The following UVRAG variants were observed in gnomAD, a reference collection of about 807,000 sequenced individuals.
UVRAG encodes UV radiation resistance associated.
A neutral mutation model predicts 78.0 loss-of-function variants in UVRAG; 19 were observed. The observed-to-expected ratio is 0.24, with a 90% confidence interval of 0.17 to 0.36. The LOEUF (loss-of-function observed/expected upper bound fraction) is 0.36, where lower values mean the gene tolerates loss of function less well. Ranked by LOEUF, UVRAG falls within the 10% of genes least tolerant of loss-of-function variation. UVRAG has a pLI of 1.00. For synonymous variants in UVRAG, 323 were observed against 324.6 expected (o/e 1.00, Z 0.05); for missense variants, 740 against 853.8 (o/e 0.87, Z 1.66).
At chr11:76,045,081 CCT>C (rs1950723192) in intron 12 of UVRAG, among the ~76,000 whole-genome samples, 1 of 152,146 alleles carries the variant, frequency 6.6e-6, no homozygotes, top group Non-Finnish European at 1.5e-5. Context: ...ACCCTGACAA[CCT>C]CTCTCAGGCA....
At chr11:76,093,002 TA>T (rs1160244217) in intron 13 of UVRAG, among the ~76,000 whole-genome samples, 3 of 152,232 alleles carry the variant, frequency 2.0e-5, no homozygotes, top group Non-Finnish European at 2.9e-5. Context: ...CATCTTGAAT[TA>T]ATTTTTGTAT....
At chr11:75,886,943 T>G (rs1947090873) in intron 4 of UVRAG, among the ~76,000 whole-genome samples, 1 of 152,064 alleles carries the variant, frequency 6.6e-6, no homozygotes, top group Non-Finnish European at 1.5e-5. Context: ...ACTTCGAGTT[T>G]TTTTTTTAAT....
At chr11:76,030,021 A>G (rs757386920) in intron 12 of UVRAG, among the ~76,000 whole-genome samples, 1 of 152,188 alleles carries the variant, frequency 6.6e-6, no homozygotes, top group Non-Finnish European at 1.5e-5. Flanking sequence ...TAGCAATAAT[A>G]TGTTTTTAAA....
At chr11:75,920,008 G>GTTTTTTGTTTTTTTTTT (rs1947941022) in intron 6 of UVRAG, among the ~76,000 whole-genome samples, 8 of 55,464 alleles carry the variant, frequency 1.4e-4, no homozygotes, top group African/African-American at 4.7e-4. Flanking sequence ...AATAATTTTG[G>GTTTTTTGTTTTTTTTTT]TTTTTTTTTT....
chr11:75,986,983 A>G (rs530872596), intron 8 of UVRAG, among the ~76,000 whole-genome samples: 2 of 152,312 alleles, frequency 1.3e-5, no homozygotes, highest in Admixed American at 1.3e-4. Flanking sequence ...TGGATATGTC[A>G]CATTTTAAAA....
chr11:76,051,842 C>T (rs1040154308), intron 12 of UVRAG, among the ~76,000 whole-genome samples: 1 of 152,108 alleles, frequency 6.6e-6, no homozygotes, highest in Non-Finnish European at 1.5e-5. Context: ...GAGGAAAAAA[C>T]AATCACTCCT....
intron 10 of UVRAG, 85 bp from the exon 11 acceptor site, chr11:76,008,715 TGTTTTGA>T (rs1949996347): frequency 1.6e-6 from 1 of 633,356 alleles, no homozygotes; most frequent in Non-Finnish European, 2.7e-6. Context: ...TTTAGAACAG[TGTTTTGA>T]GTCAGCACCG....
intron 12 of UVRAG, among the ~76,000 whole-genome samples, chr11:76,054,285 C>A (rs1950936312): frequency 6.6e-6 from 1 of 152,178 alleles, no homozygotes; most frequent in Admixed American, 6.5e-5. Flanking sequence ...GCTCTGTCTT[C>A]AAAATGAGAG....
chr11:75,912,898 G>C (rs1947769860), intron 6 of UVRAG, among the ~76,000 whole-genome samples: 1 of 152,184 alleles, frequency 6.6e-6, no homozygotes, highest in Non-Finnish European at 1.5e-5. Flanking sequence ...TGGTCACATG[G>C]ACTGTGTCCA....
chr11:76,137,389 T>C (rs1332398614), intron 14 of UVRAG: 1 of 456,144 alleles, frequency 2.2e-6, no homozygotes, highest in African/African-American at 2.0e-5. Flanking sequence ...CGCTCAGTAA[T>C]GTTCATATCA....
chr11:76,036,201 AG>A (rs1258409647), intron 12 of UVRAG, among the ~76,000 whole-genome samples: 1 of 152,220 alleles, frequency 6.6e-6, no homozygotes, highest in East Asian at 1.9e-4. Context: ...ACTGAAGCAA[AG>A]GAACAGTGAG....
At chr11:75,941,462 G>GT (rs1414510920) in intron 6 of UVRAG, among the ~76,000 whole-genome samples, 2 of 151,974 alleles carry the variant, frequency 1.3e-5, no homozygotes, top group East Asian at 1.9e-4. Context: ...AGTTTCTCAG[G>GT]TTTTTTTGTT....
At chr11:75,887,775 G>A (rs1947119986) in intron 4 of UVRAG, among the ~76,000 whole-genome samples, 1 of 151,976 alleles carries the variant, frequency 6.6e-6, no homozygotes, top group Admixed American at 6.6e-5. Flanking sequence ...GTAGAGACGG[G>A]GTTTCGCCAT....
intron 12 of UVRAG, among the ~76,000 whole-genome samples, chr11:76,019,141 G>T (rs987649801): frequency 6.6e-6 from 1 of 152,102 alleles, no homozygotes; most frequent in African/African-American, 2.4e-5. Flanking sequence ...GCATTCTTCA[G>T]TATTTCAGTT....
At chr11:76,126,829 C>A (rs555294338) in intron 14 of UVRAG, among the ~76,000 whole-genome samples, 1 of 152,294 alleles carries the variant, frequency 6.6e-6, no homozygotes, top group South Asian at 2.1e-4. Flanking sequence ...CTCCCATATG[C>A]TGTTTACAAG....
At chr11:76,131,204 C>A (rs1384850659) in intron 14 of UVRAG, among the ~76,000 whole-genome samples, 2 of 152,198 alleles carry the variant, frequency 1.3e-5, no homozygotes, top group Non-Finnish European at 2.9e-5. Flanking sequence ...ATGATGATTT[C>A]TTAAAGTGAA....
intron 13 of UVRAG, among the ~76,000 whole-genome samples, chr11:76,093,111 G>A (rs1951731926): frequency 6.6e-6 from 1 of 152,140 alleles, no homozygotes; most frequent in Non-Finnish European, 1.5e-5. Flanking sequence ...CCCGTTTCTT[G>A]TTTTTGTCAG....
chr11:75,887,514 C>G (rs1422003099), intron 4 of UVRAG, among the ~76,000 whole-genome samples: 1 of 146,186 alleles, frequency 6.8e-6, no homozygotes, highest in African/African-American at 2.6e-5. Context: ...GTGGCACAAT[C>G]TCGGCTCTCT....
At chr11:76,018,196 ACTTTT>A (rs1182758674) in intron 12 of UVRAG, among the ~76,000 whole-genome samples, 1 of 152,064 alleles carries the variant, frequency 6.6e-6, no homozygotes, top group African/African-American at 2.4e-5. Context: ...TGCATATTGT[ACTTTT>A]CTTTTTTTTT....
Sources: allele counts gnomAD v4.1 joint callset (sites outside exome capture counted in the v4.1 genomes callset), GRCh38; gene constraint gnomAD v4.1.1; transcripts MANE v1.5; gene names NCBI Gene and HGNC (gene_info 2026-07-23, HGNC 2026-07-21).